NRXN3: variants seen among roughly 807,000 people sequenced by gnomAD.
NRXN3 encodes the protein neurexin 3, also known as neurexin III.
In NRXN3, 32 loss-of-function variants were observed where a neutral mutation model predicts 137.6. That is an observed-to-expected ratio of 0.23 (90% CI 0.18 to 0.31). The LOEUF is 0.31. Ranked by LOEUF, NRXN3 falls within the 10% of genes least tolerant of loss-of-function variation. The pLI is 1.00. For missense variants in NRXN3, 1,574 were observed against 2,062.5 expected (o/e 0.76, Z 4.59); for synonymous variants, 798 against 784.5 (o/e 1.02, Z -0.29).
intron 1 of NRXN3, among the ~76,000 whole-genome samples, chr14:78,182,907 C>G (rs895207600): frequency 6.6e-6 from 1 of 152,200 alleles, no homozygotes; most frequent in African/African-American, 2.4e-5. Context: ...TGTGGCAGAG[C>G]TGAGTCTGGA....
At chr14:78,759,060 C>G (rs747110744) in intron 8 of NRXN3, among the ~76,000 whole-genome samples, 7 of 152,204 alleles carry the variant, frequency 4.6e-5, no homozygotes, top group Admixed American at 6.5e-5. Flanking sequence ...AAAAGATGTT[C>G]TCATCCTGAC....
At chr14:79,679,350 C>T (rs181416466) in intron 17 of NRXN3, among the ~76,000 whole-genome samples, 113 of 152,212 alleles carry the variant, frequency 7.4e-4, no homozygotes, top group African/African-American at 2.6e-3. Flanking sequence ...AATCTTTAGA[C>T]ATGTTCCTCA....
At chr14:79,625,079 C>T (rs990326130) in intron 16 of NRXN3, among the ~76,000 whole-genome samples, 3 of 152,038 alleles carry the variant, frequency 2.0e-5, no homozygotes, top group East Asian at 1.9e-4. Context: ...AATTATGGTG[C>T]GAGCCACTGC....
At chr14:78,751,662 C>A (rs947438250) in intron 8 of NRXN3, among the ~76,000 whole-genome samples, 1 of 152,146 alleles carries the variant, frequency 6.6e-6, no homozygotes, top group African/African-American at 2.4e-5. Context: ...ACTCTTCCAG[C>A]ACTGCTGACT....
At chr14:78,624,790 C>T (rs1044196420) in intron 4 of NRXN3, among the ~76,000 whole-genome samples, 11 of 151,436 alleles carry the variant, frequency 7.3e-5, no homozygotes, top group Admixed American at 2.0e-4. Flanking sequence ...GTCTACTGAC[C>T]CCTTGACTTC....
At chr14:79,417,805 C>A (rs2095518434) in intron 15 of NRXN3, among the ~76,000 whole-genome samples, 2 of 152,042 alleles carry the variant, frequency 1.3e-5, no homozygotes, top group Admixed American at 1.3e-4. Context: ...AATCCCCATG[C>A]TCAAAAACAC....
chr14:79,347,881 A>G (rs2092978418), intron 15 of NRXN3, among the ~76,000 whole-genome samples: 1 of 152,216 alleles, frequency 6.6e-6, no homozygotes, highest in African/African-American at 2.4e-5. Context: ...TCCTAAGTTA[A>G]GACTGTTCGC....
At chr14:78,551,750 A>C (rs1235716149) in intron 4 of NRXN3, among the ~76,000 whole-genome samples, 2 of 130,206 alleles carry the variant, frequency 1.5e-5, no homozygotes, top group African/African-American at 6.0e-5. Context: ...CTCCCTTTCT[A>C]TCCTCCCTCT....
chr14:79,301,184 TGTC>T (rs1484405114), intron 15 of NRXN3, among the ~76,000 whole-genome samples: 8 of 152,094 alleles, frequency 5.3e-5, no homozygotes, highest in Non-Finnish European at 1.0e-4. Flanking sequence ...TGTAAGTTGG[TGTC>T]GTCATTGCAA....
At chr14:78,244,865 C>T (rs6574429) in intron 2 of NRXN3, among the ~76,000 whole-genome samples, 12,493 of 152,252 alleles carry the variant, frequency 0.082, 1,526 homozygotes, top group African/African-American at 0.27. Flanking sequence ...CAGGTTCAAC[C>T]GTGACTTCCC....
intron 15 of NRXN3, among the ~76,000 whole-genome samples, chr14:79,427,073 T>G (rs1177961777): frequency 6.6e-6 from 1 of 152,192 alleles, no homozygotes; most frequent in African/African-American, 2.4e-5. Context: ...TTAACAGAAA[T>G]GGCTAAAATT....
chr14:78,459,782 C>T (rs1032772248), intron 4 of NRXN3, among the ~76,000 whole-genome samples: 3 of 152,144 alleles, frequency 2.0e-5, no homozygotes, highest in Non-Finnish European at 2.9e-5. Flanking sequence ...GACCCCTGGC[C>T]GTCAAAATGT....
intron 20 of NRXN3, among the ~76,000 whole-genome samples, chr14:79,851,663 G>C (rs1419474733): frequency 6.6e-6 from 1 of 152,088 alleles, no homozygotes; most frequent in Non-Finnish European, 1.5e-5. Context: ...TCGCCTACCT[G>C]GGTTTCCCAG....
At chr14:78,262,898 C>T (rs1480334929) in intron 2 of NRXN3, among the ~76,000 whole-genome samples, 1 of 152,104 alleles carries the variant, frequency 6.6e-6, no homozygotes, top group African/African-American at 2.4e-5. Flanking sequence ...CCTTTTATTC[C>T]CATTTTACAG....
chr14:79,387,066 C>A (rs1218122512), intron 15 of NRXN3, among the ~76,000 whole-genome samples: 7 of 152,020 alleles, frequency 4.6e-5, no homozygotes, highest in East Asian at 1.9e-4. Flanking sequence ...TCTAAAACAC[C>A]AAAAGCAATG....
chr14:79,842,471 T>C (rs2099358042), intron 20 of NRXN3, among the ~76,000 whole-genome samples: 1 of 152,120 alleles, frequency 6.6e-6, no homozygotes, highest in African/African-American at 2.4e-5. Context: ...TGGTGAGTCA[T>C]AGATGAGACT....
chr14:79,037,885 T>C (rs1240356488), intron 15 of NRXN3, among the ~76,000 whole-genome samples: 1 of 152,048 alleles, frequency 6.6e-6, no homozygotes, highest in Admixed American at 6.6e-5. Context: ...GTACGGGCTG[T>C]GGTGACAGGC....
At chr14:78,266,582 C>T (rs1352552494) in intron 2 of NRXN3, among the ~76,000 whole-genome samples, 3 of 152,150 alleles carry the variant, frequency 2.0e-5, no homozygotes, top group Non-Finnish European at 2.9e-5. Context: ...CAAGCATGAG[C>T]CACCAAGCCC....
chr14:78,175,648 G>A (rs2059188745), intron 1 of NRXN3, among the ~76,000 whole-genome samples: 1 of 152,160 alleles, frequency 6.6e-6, no homozygotes, highest in Admixed American at 6.5e-5. Flanking sequence ...GTGCGGTGCT[G>A]TGGCTGGGCC....
Sources: allele counts gnomAD v4.1 joint callset (sites outside exome capture counted in the v4.1 genomes callset), GRCh38; gene constraint gnomAD v4.1.1; transcripts MANE v1.5; gene names NCBI Gene and HGNC (gene_info 2026-07-23, HGNC 2026-07-21).